GLIS3: variants seen among roughly 807,000 people sequenced by gnomAD.
GLIS3 encodes the protein zinc finger protein GLIS3.
GLIS3 carries 53 observed loss-of-function variants against 78.6 expected under a neutral mutation model. The observed-to-expected ratio is 0.67, with a 90% confidence interval of 0.54 to 0.85. GLIS3 has a LOEUF of 0.85. GLIS3 is among the 40% of genes least tolerant of loss of function. The pLI, the probability that GLIS3 is intolerant of heterozygous loss-of-function variation, is 0.00. For synonymous variants in GLIS3, 684 were observed against 509.9 expected (o/e 1.34, Z -4.60); for missense variants, 1,703 against 1,231.1 (o/e 1.38, Z -5.74).
intron 2 of GLIS3, among the ~76,000 whole-genome samples, chr9:4,315,133 G>A (rs541715939): frequency 6.6e-6 from 1 of 152,230 alleles, no homozygotes; most frequent in East Asian, 1.9e-4. Flanking sequence ...AGAAGAGAAA[G>A]AGTCTAATTT....
At chr9:4,130,649 T>C (rs1832909842) in intron 2 of GLIS3, among the ~76,000 whole-genome samples, 1 of 152,234 alleles carries the variant, frequency 6.6e-6, no homozygotes, top group African/African-American at 2.4e-5. Context: ...TGGAAGCTTC[T>C]GCCTAGATTT....
chr9:3,959,556 T>C (rs1462147414), intron 4 of GLIS3, among the ~76,000 whole-genome samples: 1 of 152,096 alleles, frequency 6.6e-6, no homozygotes, highest in African/African-American at 2.4e-5. Flanking sequence ...TGTGATCCAA[T>C]CTCTGCCACA....
At chr9:4,031,952 T>C (rs924999667) in intron 4 of GLIS3, among the ~76,000 whole-genome samples, 2 of 152,162 alleles carry the variant, frequency 1.3e-5, no homozygotes, top group African/African-American at 4.8e-5. Context: ...AGGAAAGACC[T>C]AGCAGATAGC....
the GLIS3 span, among the ~76,000 whole-genome samples, chr9:4,393,918 C>G: frequency 6.6e-5 from 10 of 152,042 alleles, no homozygotes; most frequent in African/African-American, 2.4e-4. Flanking sequence ...CTTTCTATGA[C>G]CTTTATGACC....
intron 4 of GLIS3, among the ~76,000 whole-genome samples, chr9:4,097,365 G>A (rs1434741662): frequency 6.6e-6 from 1 of 151,996 alleles, no homozygotes; most frequent in Non-Finnish European, 1.5e-5. Context: ...AAGGAACAGG[G>A]AAACACACAG....
chr9:4,361,303 C>T, the GLIS3 span, among the ~76,000 whole-genome samples: 2 of 152,192 alleles, frequency 1.3e-5, no homozygotes, highest in Non-Finnish European at 2.9e-5. Flanking sequence ...TCTGATGGGA[C>T]ACCTCAGTTC....
At chr9:3,878,896 G>A (rs1821514286) in intron 8 of GLIS3, 1 of 159,288 alleles carries the variant, frequency 6.3e-6, no homozygotes, top group Non-Finnish European at 1.4e-5. Context: ...AAGTATGAAG[G>A]GCCTCGAAAG....
At chr9:4,270,952 G>C (rs573423257) in intron 2 of GLIS3, among the ~76,000 whole-genome samples, 1 of 149,796 alleles carries the variant, frequency 6.7e-6, no homozygotes, top group Non-Finnish European at 1.5e-5. Context: ...ACTGACCCTT[G>C]AACAACACAG....
chr9:4,015,010 T>C (rs868514267), intron 4 of GLIS3, among the ~76,000 whole-genome samples: 5 of 152,326 alleles, frequency 3.3e-5, no homozygotes, highest in Middle Eastern at 3.4e-3. Flanking sequence ...AAAGAATTGA[T>C]AGATAATAAA....
At chr9:4,261,828 CA>C (rs928082403) in intron 2 of GLIS3, among the ~76,000 whole-genome samples, 1 of 152,000 alleles carries the variant, frequency 6.6e-6, no homozygotes, top group Admixed American at 6.5e-5. Context: ...TCTTGAATCT[CA>C]AAAAAACATA....
intron 1 of GLIS3, among the ~76,000 whole-genome samples, chr9:4,296,005 G>A (rs751403710): frequency 6.6e-6 from 1 of 151,942 alleles, no homozygotes; most frequent in Non-Finnish European, 1.5e-5. Flanking sequence ...ACCAAACTTA[G>A]GGAAAAGTAA....
Position 3,977,265 on chromosome 9 carries a change from TAC to T in GLIS3, c.1711-40078_1711-40077del, listed in dbSNP as rs761989348. On this transcript the variant is annotated intron_variant, in intron 4 of 10. Coordinates refer to ENST00000381971, the MANE Select transcript of GLIS3 (RefSeq NM_001042413.2). The surrounding 1 kb of genome is among the most constrained non-coding windows in gnomAD (Gnocchi z 4.1). ...ACCCAGATATTAGATCCACATTTTA[TAC>T]ACCAAGCAATGTTTAAAATGTAAGG... is the stretch of plus-strand genomic sequence containing the variant. Among the ~76,000 whole-genome samples, 4 of 152,186 alleles carry T rather than the reference TAC, an allele frequency of 2.6e-5. No individual in the cohort carries two copies. The highest frequency in any genetic ancestry group is 5.9e-5 in the Non-Finnish European group (4 of 68,028).
chr9:3,956,586 C>G (rs538127764), intron 4 of GLIS3, among the ~76,000 whole-genome samples: 2 of 152,262 alleles, frequency 1.3e-5, no homozygotes, highest in South Asian at 4.2e-4. Flanking sequence ...GGATCTAACC[C>G]CTAGCTTTAG....
At chr9:4,097,998 C>A (rs1353533853) in intron 4 of GLIS3, among the ~76,000 whole-genome samples, 1 of 152,162 alleles carries the variant, frequency 6.6e-6, no homozygotes, top group East Asian at 1.9e-4. Context: ...TTACGTATAT[C>A]AGAAATAGTT....
chr9:4,222,313 C>T (rs1025128320), intron 2 of GLIS3, among the ~76,000 whole-genome samples: 3 of 152,218 alleles, frequency 2.0e-5, no homozygotes, highest in African/African-American at 7.2e-5. Flanking sequence ...ACCAAAGTTC[C>T]TCCCACTACC....
intron 7 of GLIS3, among the ~76,000 whole-genome samples, chr9:3,887,756 A>C (rs1253481434): frequency 6.6e-6 from 1 of 152,216 alleles, no homozygotes; most frequent in East Asian, 1.9e-4. Context: ...AAGCATTCCT[A>C]AATACCAGGT....
intron 4 of GLIS3, among the ~76,000 whole-genome samples, chr9:4,009,350 A>G (rs1194448792): frequency 1.3e-5 from 2 of 152,058 alleles, no homozygotes; most frequent in Non-Finnish European, 2.9e-5. Flanking sequence ...GGCACAGATC[A>G]CTCCTCATTT....
the GLIS3 span, among the ~76,000 whole-genome samples, chr9:4,439,953 G>C: frequency 5.3e-5 from 8 of 152,316 alleles, no homozygotes; most frequent in Admixed American, 3.3e-4. Context: ...AAAATGCTGG[G>C]ATTACAGGCA....
intron 4 of GLIS3, among the ~76,000 whole-genome samples, chr9:4,115,317 C>A (rs959787603): frequency 5.9e-5 from 9 of 152,114 alleles, no homozygotes; most frequent in Admixed American, 4.6e-4. Flanking sequence ...ATGACACAGC[C>A]ACAAAAACCA....
Sources: gnomAD v4.1 joint callset for allele counts (sites outside exome capture counted in the v4.1 genomes callset) on GRCh38, gnomAD v4.1.1 for gene constraint, Gnocchi (gnomAD v3.1) non-coding constraint, MANE v1.5 for transcripts, NCBI Gene and HGNC (gene_info 2026-07-23, HGNC 2026-07-21) for gene names.